Variants in ACYP2 observed in about 807,000 individuals in gnomAD.
ACYP2 encodes acylphosphatase-2.
ACYP2 carries 12 observed loss-of-function variants against 11.2 expected under a neutral mutation model. The ratio of observed to expected loss-of-function variants is 1.08; its 90% CI spans 0.69 to 1.74. The LOEUF (loss-of-function observed/expected upper bound fraction) is 1.74. ACYP2 is among the 40% of genes most tolerant of loss of function. The pLI is 0.00. For missense variants in ACYP2, 134 were observed against 101.9 expected, an observed-to-expected ratio of 1.31 and a Z score of -1.35; for synonymous variants, 43 against 32.2, an observed-to-expected ratio of 1.33 and a Z score of -1.13.
At chr2:54,293,337 A>G (rs1186410556) in intron 6 of ACYP2, among the ~76,000 whole-genome samples, 1 of 152,220 alleles carries the variant, frequency 6.6e-6, no homozygotes, top group Non-Finnish European at 1.5e-5. Flanking sequence ...CAAGGAAGTT[A>G]CAGGTTATAG....
Position 54,086,936 on chromosome 2 carries a change from A to G in ACYP2, c.277+29576A>G, listed in dbSNP as rs141358586. 6.0e-4 allele frequency among the ~76,000 whole-genome samples: 92 copies of G among 152,378 alleles called. 1 individual carries two copies. Among genetic ancestry groups the G allele is most frequent in the African/African-American group, 2.2e-3 (90 of 41,588 alleles). On this transcript the variant is annotated intron_variant, in intron 4 of 6. Coordinates refer to ENST00000607452, the MANE Select transcript of ACYP2 (RefSeq NM_001320586.2). ...AATGGTTTAGCACAGGATTTTCCAA[A>G]CTTACCAGGATACTTATAAAACATT... is the stretch of plus-strand genomic sequence containing the variant.
rs1417739063 is a variant in ACYP2 at position 54,143,673 on chromosome 2, C to A, written c.404+4925C>A. On this transcript the variant is annotated intron_variant, in intron 6 of 6. Coordinates refer to ENST00000607452, the MANE Select transcript of ACYP2 (RefSeq NM_001320586.2). ...GGCCTCGAACTCCTGACCTCATGAT[C>A]TGCCTGTCTCGGCCTCCCAAAATGC... Among the ~76,000 whole-genome samples, 4 of 142,722 alleles carry A rather than the reference C, an allele frequency of 2.8e-5. No homozygotes were observed. The East Asian group carries it at 8.2e-4, about 29-fold the overall frequency. 93.6% of individuals were successfully genotyped at this position (142,722 alleles called of 152,430 possible). A position where few individuals can be genotyped will look rare whatever the true frequency, so the allele number is the denominator to read the frequency against.
chr2:54,257,917 G>T (rs1293050999), intron 6 of ACYP2, among the ~76,000 whole-genome samples: 1 of 152,164 alleles, frequency 6.6e-6, no homozygotes. Context: ...AATAGCATGA[G>T]GTTCAAATGA....
chr2:54,120,875 G>A (rs114165753), intron 4 of ACYP2, among the ~76,000 whole-genome samples: 310 of 152,286 alleles, frequency 2.0e-3, no homozygotes, highest in African/African-American at 7.2e-3. Context: ...TACAGCTTTT[G>A]CTTGGGGAGT....
intron 6 of ACYP2, chr2:54,253,695 C>T (rs1360375894): frequency 6.6e-6 from 1 of 152,290 alleles, no homozygotes; most frequent in East Asian, 1.9e-4. Flanking sequence ...CTGCCTAGAG[C>T]ACCCATCACA....
chr2:54,103,882 C>G (rs1679025317), intron 4 of ACYP2, among the ~76,000 whole-genome samples: 2 of 152,120 alleles, frequency 1.3e-5, no homozygotes, highest in Admixed American at 1.3e-4. Context: ...CCCTCCCCTT[C>G]CCCACCCTTT....
intron 6 of ACYP2, among the ~76,000 whole-genome samples, chr2:54,213,559 C>CT (rs1685421734): frequency 6.6e-6 from 1 of 152,146 alleles, no homozygotes; most frequent in Admixed American, 6.5e-5. Flanking sequence ...TAAGCATTCC[C>CT]TTTTCTCTGC....
intron 6 of ACYP2, among the ~76,000 whole-genome samples, chr2:54,249,832 T>G (rs892470270): frequency 4.7e-5 from 7 of 148,470 alleles, no homozygotes; most frequent in African/African-American, 1.7e-4. Flanking sequence ...TAGTCCCAGC[T>G]ACTAGGCTGG....
In ACYP2 at chr2:54,260,925, G is replaced by C. The variant is rs1385803796; in HGVS notation, c.405-43763G>C. Among the ~76,000 whole-genome samples, 3 of 152,254 alleles carry C rather than the reference G, an allele frequency of 2.0e-5. No homozygotes were observed. In the South Asian group the frequency reaches 6.2e-4, roughly 32 times the overall value. ...GAGGGAATGACATGACAGTAGCAACGTTTTAGGGCAATAGGTGGTCCAAAC... is the reference window on the plus strand; with the variant it reads ...GAGGGAATGACATGACAGTAGCAACCTTTTAGGGCAATAGGTGGTCCAAAC... On this transcript the variant is annotated intron_variant, in intron 6 of 6. Transcript: ENST00000607452.
intron 6 of ACYP2, among the ~76,000 whole-genome samples, chr2:54,152,808 C>T (rs1379344887): frequency 3.9e-5 from 6 of 152,008 alleles, no homozygotes; most frequent in Non-Finnish European, 8.8e-5. Context: ...TGAGAGACAC[C>T]TTGGTTGCTT....
chr2:54,195,794 G>GTTTTTGTTTTTTTTT (rs1442057879), intron 6 of ACYP2, among the ~76,000 whole-genome samples: 17 of 83,134 alleles, frequency 2.0e-4, no homozygotes, highest in Non-Finnish European at 3.1e-4. Flanking sequence ...TTTGTTGTGG[G>GTTTTTGTTTTTTTTT]TTTTTTTTTT....
chr2:53,989,981 CTTT>C (rs112395166), intron 2 of ACYP2, among the ~76,000 whole-genome samples: 5 of 143,168 alleles, frequency 3.5e-5, no homozygotes, highest in East Asian at 2.0e-4. Context: ...CTTTTCTTTT[CTTT>C]TTTTTTTTTT....
At position 54,153,774 on chromosome 2, in the gene ACYP2, CA is replaced by C. The variant is rs1682307985; in HGVS notation, c.404+15027del. On this transcript the variant is annotated intron_variant, in intron 6 of 6. Coordinates refer to ENST00000607452, the MANE Select transcript of ACYP2 (RefSeq NM_001320586.2). ...GCCACCACACCCGGCTAATTTTTTG[CA>C]TTTTTTAGTAGAGATGAGGTTTCAC... 2.0e-5 allele frequency among the ~76,000 whole-genome samples: 3 copies of C among 151,422 alleles called. 1 individual carries two copies. The highest frequency in any genetic ancestry group is 6.6e-5 in the Admixed American group (1 of 15,206).
intron 5 of ACYP2, 44 bp from the exon 3 acceptor site, chr2:54,138,595 C>A: frequency 6.7e-7 from 1 of 1,496,150 alleles, no homozygotes; most frequent in Non-Finnish European, 9.2e-7. Context: ...TGAACTCAGA[C>A]TTTTGATGCT....
intron 2 of ACYP2, among the ~76,000 whole-genome samples, chr2:54,008,521 T>C (rs963756381): frequency 1.3e-5 from 2 of 152,134 alleles, no homozygotes; most frequent in Non-Finnish European, 2.9e-5. Context: ...ATCAAGTGAA[T>C]CACTCCACTT....
intron 6 of ACYP2, among the ~76,000 whole-genome samples, chr2:54,264,054 T>A (rs1160970409): frequency 6.6e-6 from 1 of 152,218 alleles, no homozygotes; most frequent in African/African-American, 2.4e-5. Flanking sequence ...TTGGTCTCAC[T>A]GACTTCAAGA....
intron 6 of ACYP2, among the ~76,000 whole-genome samples, chr2:54,252,220 C>A (rs536371266): frequency 6.6e-6 from 1 of 152,296 alleles, no homozygotes; most frequent in African/African-American, 2.4e-5. Flanking sequence ...TTGTGAGATT[C>A]ATTCATATTA....
chr2:54,042,851 C>A (rs562683657), intron 2 of ACYP2, among the ~76,000 whole-genome samples: 6 of 152,174 alleles, frequency 3.9e-5, no homozygotes, highest in Non-Finnish European at 8.8e-5. Context: ...GAGAGAGAAC[C>A]AAGAAGCAAC....
At chr2:54,207,595 G>A (rs1325984513) in intron 6 of ACYP2, among the ~76,000 whole-genome samples, 1 of 152,064 alleles carries the variant, frequency 6.6e-6, no homozygotes, top group Admixed American at 6.6e-5. Context: ...AACATCACAG[G>A]CCTCTTGCAT....
Sources: gnomAD v4.1 joint callset for allele counts (sites outside exome capture counted in the v4.1 genomes callset) on GRCh38, gnomAD v4.1.1 for gene constraint, MANE v1.5 for transcripts, NCBI Gene and HGNC (gene_info 2026-07-23, HGNC 2026-07-21) for gene names.